Variants in FSHR observed in about 807,000 individuals in gnomAD.
FSHR encodes the protein follicle stimulating hormone receptor.
FSHR carries 46 observed loss-of-function variants against 52.1 expected under a neutral mutation model. The observed-to-expected ratio is 0.88, with a 90% CI of 0.70 to 1.13. The LOEUF is 1.13. Ranked by LOEUF, FSHR falls within the 50% of genes most tolerant of loss-of-function variation. FSHR has a pLI of 0.00. For synonymous variants in FSHR, 399 were observed against 309.6 expected (o/e 1.29, Z -3.03); for missense variants, 964 against 834.6 (o/e 1.16, Z -1.91).
rs952159345 is a variant in FSHR at position 49,112,478 on chromosome 2, T to C, written c.152+41788A>G. On this transcript the variant is annotated intron_variant, in intron 1 of 9. Transcript: ENST00000406846. Reference sequence around the variant, plus strand: ...ACTGATAATTATTGAAGCTGGGTCTTAGGTACATTGGGGTTATTATGTTAT... The same window carrying C: ...ACTGATAATTATTGAAGCTGGGTCTCAGGTACATTGGGGTTATTATGTTAT... Among the ~76,000 whole-genome samples, 3 of 152,206 alleles carry C rather than the reference T, an allele frequency of 2.0e-5. No individual in the cohort carries two copies. In the South Asian group the frequency reaches 6.2e-4, roughly 31 times the overall value.
At chr2:49,147,915 A>C (rs1442722087) in intron 1 of FSHR, among the ~76,000 whole-genome samples, 1 of 151,990 alleles carries the variant, frequency 6.6e-6, no homozygotes, top group African/African-American at 2.4e-5. Flanking sequence ...AAGTACCTAA[A>C]CAAGGCTATA....
intron 4 of FSHR, among the ~76,000 whole-genome samples, chr2:49,011,165 T>C (rs1667256092): frequency 6.6e-6 from 1 of 151,364 alleles, no homozygotes; most frequent in South Asian, 2.1e-4. Context: ...TGTGGGCATT[T>C]AGTGCTATAA....
At chr2:49,152,687 T>C (rs1673106555) in intron 1 of FSHR, among the ~76,000 whole-genome samples, 1 of 152,182 alleles carries the variant, frequency 6.6e-6, no homozygotes, top group East Asian at 1.9e-4. Flanking sequence ...TGACACTGCT[T>C]GACCCACATG....
At chr2:49,068,417 C>T in intron 1 of FSHR, 127 bp from the exon 2 acceptor site, 1 of 763,198 alleles carries the variant, frequency 1.3e-6, no homozygotes, top group Non-Finnish European at 2.3e-6. Flanking sequence ...GTTGAAATTG[C>T]TTTTACATTC....
intron 4 of FSHR, among the ~76,000 whole-genome samples, chr2:49,006,780 G>A (rs1464024039): frequency 6.6e-6 from 1 of 152,110 alleles, no homozygotes; most frequent in Admixed American, 6.6e-5. Context: ...TCCTTGAAGT[G>A]AGAGCTGTCC....
At chr2:49,091,503 C>T (rs996454779) in intron 1 of FSHR, among the ~76,000 whole-genome samples, 1 of 152,044 alleles carries the variant, frequency 6.6e-6, no homozygotes, top group Non-Finnish European at 1.5e-5. Flanking sequence ...CACCATGTTG[C>T]CCAGTCTGGT....
At chr2:49,053,408 C>G (rs1235070734) in intron 2 of FSHR, among the ~76,000 whole-genome samples, 2 of 152,012 alleles carry the variant, frequency 1.3e-5, no homozygotes, top group Non-Finnish European at 2.9e-5. Flanking sequence ...CATAAATCAC[C>G]ACATTGTCAC....
intron 1 of FSHR, among the ~76,000 whole-genome samples, chr2:49,138,898 T>A (rs1360412386): frequency 6.6e-6 from 1 of 152,150 alleles, no homozygotes; most frequent in Non-Finnish European, 1.5e-5. Flanking sequence ...ACCAGTGGAA[T>A]TCTAATGCTC....
intron 1 of FSHR, among the ~76,000 whole-genome samples, chr2:49,080,055 T>G (rs1365822688): frequency 6.6e-6 from 1 of 152,084 alleles, no homozygotes; most frequent in Non-Finnish European, 1.5e-5. Context: ...AACAGGCAAT[T>G]TATAGAAGAT....
intron 2 of FSHR, among the ~76,000 whole-genome samples, chr2:49,055,942 C>T (rs1159095097): frequency 1.3e-5 from 2 of 151,886 alleles, no homozygotes; most frequent in Non-Finnish European, 2.9e-5. Flanking sequence ...AGACTGAAAC[C>T]AACATCATGA....
chr2:49,125,318 T>TA (rs34495125), intron 1 of FSHR, among the ~76,000 whole-genome samples: 31,529 of 150,186 alleles, frequency 0.21, 3,364 homozygotes, highest in South Asian at 0.27. Context: ...GCTGGTGAGC[T>TA]AAAAAAAAAA....
At chr2:49,122,947 C>A (rs1320475819) in intron 1 of FSHR, among the ~76,000 whole-genome samples, 1 of 152,036 alleles carries the variant, frequency 6.6e-6, no homozygotes, top group Non-Finnish European at 1.5e-5. Flanking sequence ...TCTGCCTAGC[C>A]CTCTATCATC....
intron 2 of FSHR, among the ~76,000 whole-genome samples, chr2:49,051,167 G>C (rs569097543): frequency 6.6e-6 from 1 of 151,838 alleles, no homozygotes; most frequent in South Asian, 2.1e-4. Context: ...TTTCTGTTTG[G>C]GGCTATTATG....
At chr2:48,976,014 A>G (rs1036431755) in intron 8 of FSHR, among the ~76,000 whole-genome samples, 5 of 152,194 alleles carry the variant, frequency 3.3e-5, no homozygotes, top group African/African-American at 1.2e-4. Flanking sequence ...CAGAACTTCC[A>G]ACACTGTGTT....
At chr2:49,104,695 T>G (rs1182154272) in intron 1 of FSHR, among the ~76,000 whole-genome samples, 3 of 152,114 alleles carry the variant, frequency 2.0e-5, no homozygotes, top group Non-Finnish European at 4.4e-5. Flanking sequence ...CCGAAGTTGC[T>G]TCAGCTGGGT....
intron 8 of FSHR, among the ~76,000 whole-genome samples, chr2:48,974,359 G>C (rs2268362): frequency 0.14 from 21,886 of 152,204 alleles, 1,803 homozygotes; most frequent in East Asian, 0.25. Context: ...CCGTTGCTCA[G>C]TGTTCTGGAG....
chr2:49,099,421 C>G (rs1405273606), intron 1 of FSHR, among the ~76,000 whole-genome samples: 1 of 152,064 alleles, frequency 6.6e-6, no homozygotes, highest in Non-Finnish European at 1.5e-5. Flanking sequence ...ACTGTAAGTC[C>G]ATTAAACCTC....
intron 2 of FSHR, among the ~76,000 whole-genome samples, chr2:49,040,387 G>T (rs1383976454): frequency 6.6e-6 from 1 of 152,004 alleles, no homozygotes; most frequent in African/African-American, 2.4e-5. Context: ...ACCACCTCCA[G>T]AACTTATCAT....
At chr2:49,117,725 C>G (rs1202717285) in intron 1 of FSHR, among the ~76,000 whole-genome samples, 1 of 152,174 alleles carries the variant, frequency 6.6e-6, no homozygotes, top group Admixed American at 6.5e-5. Flanking sequence ...TCACTCCTGC[C>G]TCGCTTTCCG....
Sources: gnomAD v4.1 joint callset for allele counts (sites outside exome capture counted in the v4.1 genomes callset) on GRCh38, gnomAD v4.1.1 for gene constraint, MANE v1.5 for transcripts, NCBI Gene and HGNC (gene_info 2026-07-23, HGNC 2026-07-21) for gene names.